LHFPL3: variants seen among roughly 807,000 people sequenced by gnomAD.
LHFPL3 encodes LHFPL tetraspan subfamily member 3 protein.
LHFPL3 carries 5 observed loss-of-function variants against 19.3 expected under a neutral mutation model. The ratio of observed to expected loss-of-function variants is 0.26; its 90% CI spans 0.14 to 0.54. The LOEUF (loss-of-function observed/expected upper bound fraction) is 0.54. Among genes scored for constraint, LHFPL3 ranks in the 20% least tolerant of loss-of-function variants. The pLI, the probability that LHFPL3 is intolerant of heterozygous loss-of-function variation, is 0.94. For synonymous variants in LHFPL3, 133 were observed against 126.2 expected (o/e 1.05, Z -0.36); for missense variants, 249 against 307.4 (o/e 0.81, Z 1.42).
intron 1 of LHFPL3, among the ~76,000 whole-genome samples, chr7:104,658,618 T>C (rs1792162206): frequency 6.6e-6 from 1 of 152,092 alleles, no homozygotes; most frequent in Non-Finnish European, 1.5e-5. Context: ...CTAGCCAACA[T>C]GGTGAAACCC....
At chr7:104,405,758 G>A (rs1791400902) in intron 1 of LHFPL3, among the ~76,000 whole-genome samples, 1 of 152,058 alleles carries the variant, frequency 6.6e-6, no homozygotes, top group African/African-American at 2.4e-5. Context: ...CAGAGCTTTG[G>A]GGAAAAACAG....
At chr7:104,610,599 CAGG>C in intron 1 of LHFPL3, among the ~76,000 whole-genome samples, 1 of 152,116 alleles carries the variant, frequency 6.6e-6, no homozygotes, top group Non-Finnish European at 1.5e-5. Flanking sequence ...AGTCTGAAGG[CAGG>C]AGAAGTCTAA....
intron 1 of LHFPL3, among the ~76,000 whole-genome samples, chr7:104,712,879 A>G (rs1308320258): frequency 1.3e-5 from 2 of 152,254 alleles, no homozygotes; most frequent in Non-Finnish European, 2.9e-5. Flanking sequence ...TTTAAAATCA[A>G]TGAAATCACA....
At chr7:104,385,594 T>C (rs1053788631) in intron 1 of LHFPL3, among the ~76,000 whole-genome samples, 1 of 152,200 alleles carries the variant, frequency 6.6e-6, no homozygotes, top group South Asian at 2.1e-4. Flanking sequence ...CTGAGTTCCC[T>C]GAGAGCATGG....
At chr7:104,491,340 C>T (rs896789440) in intron 1 of LHFPL3, among the ~76,000 whole-genome samples, 11 of 152,030 alleles carry the variant, frequency 7.2e-5, no homozygotes, top group Non-Finnish European at 1.3e-4. Flanking sequence ...GTTCCCCCTC[C>T]CCTACCCCCC....
Position 104,331,437 on chromosome 7 carries a change from T to A in LHFPL3, c.445+2213T>A, listed in dbSNP as rs114791186. Among the ~76,000 whole-genome samples the A allele has an allele frequency of 9.0e-3, 1,369 of 152,314 alleles. 17 individuals carry two copies. The highest frequency in any genetic ancestry group is 0.031 in the African/African-American group (1,302 of 41,560). On this transcript the variant is annotated intron_variant, in intron 1 of 2. Coordinates refer to ENST00000424859, the MANE Select transcript of LHFPL3 (RefSeq NM_199000.3). ...TTATTTCTAGGTAAACTATAGTACA[T>A]GATTTTGTTCATTAGTGAAGTATAT... is the stretch of plus-strand genomic sequence containing the variant.
rs1792737546 is a variant in LHFPL3 at position 104,464,444 on chromosome 7, T to G, written c.445+135220T>G. 2.0e-5 allele frequency among the ~76,000 whole-genome samples: 3 copies of G among 152,250 alleles called. No individual in the cohort carries two copies. In the East Asian group the frequency reaches 5.8e-4, roughly 29 times the overall value. On this transcript the variant is annotated intron_variant, in intron 1 of 2. Coordinates refer to ENST00000424859, the MANE Select transcript of LHFPL3 (RefSeq NM_199000.3). Reference sequence around the variant, plus strand: ...CAGTGGGGACTCTGTGTGGGGGCTCTGACTTCACATTTCCCTTCTTCACTG... The same window carrying G: ...CAGTGGGGACTCTGTGTGGGGGCTCGGACTTCACATTTCCCTTCTTCACTG...
intron 1 of LHFPL3, among the ~76,000 whole-genome samples, chr7:104,508,711 T>C (rs1050949898): frequency 6.6e-6 from 1 of 150,938 alleles, no homozygotes; most frequent in Non-Finnish European, 1.5e-5. Context: ...CTCCAGAATC[T>C]AGAAAAAGCA....
chr7:104,694,585 A>G (rs1792963792), intron 1 of LHFPL3, among the ~76,000 whole-genome samples: 2 of 152,244 alleles, frequency 1.3e-5, no homozygotes, highest in Admixed American at 6.5e-5. Context: ...TTGTGGACAC[A>G]ATGTCAAAAC....
At chr7:104,534,858 A>G (rs1794364436) in intron 1 of LHFPL3, among the ~76,000 whole-genome samples, 1 of 151,888 alleles carries the variant, frequency 6.6e-6, no homozygotes, top group Non-Finnish European at 1.5e-5. Flanking sequence ...ATTTCTTTAT[A>G]TATTTCTTAA....
chr7:104,610,138 A>G (rs1791184933), intron 1 of LHFPL3, among the ~76,000 whole-genome samples: 1 of 152,210 alleles, frequency 6.6e-6, no homozygotes, highest in Non-Finnish European at 1.5e-5. Context: ...GCAATCCAAT[A>G]CAATAAGTCA....
intron 1 of LHFPL3, among the ~76,000 whole-genome samples, chr7:104,448,050 T>G (rs1584326380): frequency 6.6e-6 from 1 of 152,236 alleles, no homozygotes; most frequent in East Asian, 1.9e-4. Context: ...ACCTCTAGAC[T>G]TTCCAAAAGT....
chr7:104,736,600 T>C (rs1793827602), intron 1 of LHFPL3, 75 bp from the exon 2 acceptor site: 1 of 921,286 alleles, frequency 1.1e-6, no homozygotes, highest in African/African-American at 1.7e-5. Context: ...CGACAGACAG[T>C]GGAAACATTT....
rs114612947 is a variant in LHFPL3, at chr7:104,728,245, A to C, written c.446-8430A>C. ...GCCATGTACCTGCTAAAAAGGAAGA[A>C]AGTAGGTGCCCATTCCTGTGTTGTT... is the stretch of plus-strand genomic sequence containing the variant. On this transcript the variant is annotated intron_variant, in intron 1 of 2. Coordinates refer to ENST00000424859, the MANE Select transcript of LHFPL3 (RefSeq NM_199000.3). Among the ~76,000 whole-genome samples, 530 of 152,220 alleles carry C rather than the reference A, an allele frequency of 3.5e-3. 3 individuals are homozygous for C. Among genetic ancestry groups the C allele is most frequent in the African/African-American group, 0.012 (497 of 41,536 alleles).
At chr7:104,601,561 G>A (rs6965679) in intron 1 of LHFPL3, among the ~76,000 whole-genome samples, 69,864 of 151,886 alleles carry the variant, frequency 0.46, 16,202 homozygotes, top group South Asian at 0.54. Context: ...GGGTGGTCAG[G>A]GAAGCCTTCT....
chr7:104,556,031 G>T (rs1342701406), intron 1 of LHFPL3, among the ~76,000 whole-genome samples: 2 of 152,186 alleles, frequency 1.3e-5, no homozygotes, highest in Admixed American at 6.5e-5. Flanking sequence ...CAAGAGGTGG[G>T]CTCCCATGGC....
chr7:104,573,819 CA>C, intron 1 of LHFPL3, among the ~76,000 whole-genome samples: 1 of 152,210 alleles, frequency 6.6e-6, no homozygotes, highest in African/African-American at 2.4e-5. Context: ...TTGCTTTGCA[CA>C]CTGTATATTG....
intron 1 of LHFPL3, among the ~76,000 whole-genome samples, chr7:104,412,730 A>C (rs1013993968): frequency 4.6e-5 from 7 of 152,158 alleles, no homozygotes; most frequent in Non-Finnish European, 1.0e-4. Flanking sequence ...TCCATTTTAT[A>C]CTAGAGAGTT....
At chr7:104,451,820 C>CTGCA (rs1293826166) in intron 1 of LHFPL3, among the ~76,000 whole-genome samples, 7 of 152,172 alleles carry the variant, frequency 4.6e-5, no homozygotes, top group African/African-American at 1.7e-4. Flanking sequence ...TCTCGGCTCA[C>CTGCA]TGCAACCTCC....
Sources: allele counts gnomAD v4.1 joint callset (sites outside exome capture counted in the v4.1 genomes callset), GRCh38; gene constraint gnomAD v4.1.1; transcripts MANE v1.5; gene names NCBI Gene and HGNC (gene_info 2026-07-23, HGNC 2026-07-21).